The following PARD3 variants were observed in gnomAD, a reference collection of about 807,000 sequenced individuals.
PARD3 encodes the protein partitioning defective 3 homolog.
Under a neutral mutation model 155.4 loss-of-function variants are expected in PARD3, and 75 were observed. The observed-to-expected ratio is 0.48, with a 90% CI of 0.40 to 0.58. The LOEUF (loss-of-function observed/expected upper bound fraction) is 0.58. Ranked by LOEUF, PARD3 falls within the 20% of genes least tolerant of loss-of-function variation. The pLI is 0.00. For synonymous variants in PARD3, 576 were observed against 610.5 expected (o/e 0.94, Z 0.83); for missense variants, 1,642 against 1,721.7 (o/e 0.95, Z 0.82).
intron 9 of PARD3, among the ~76,000 whole-genome samples, chr10:34,380,961 A>G (rs906078957): frequency 4.6e-5 from 7 of 152,306 alleles, no homozygotes; most frequent in Admixed American, 1.3e-4. Context: ...AGAGGATGTG[A>G]TATTTCTCTC....
intron 5 of PARD3, among the ~76,000 whole-genome samples, chr10:34,429,821 G>A (rs989746056): frequency 6.6e-6 from 1 of 152,090 alleles, no homozygotes; most frequent in African/African-American, 2.4e-5. Context: ...TCCTGACCTT[G>A]TGATCCGCCC....
intron 21 of PARD3, among the ~76,000 whole-genome samples, chr10:34,274,149 G>T (rs7910077): frequency 0.041 from 6,202 of 152,144 alleles, 365 homozygotes; most frequent in African/African-American, 0.13. Flanking sequence ...TTTTTATCAG[G>T]ACTGTTCTAG....
At chr10:34,473,184 C>G (rs1210039702) in intron 3 of PARD3, among the ~76,000 whole-genome samples, 1 of 152,092 alleles carries the variant, frequency 6.6e-6, no homozygotes, top group Non-Finnish European at 1.5e-5. Flanking sequence ...GTTAGTTCTT[C>G]CAACATTAAA....
At chr10:34,432,655 A>G (rs1156388352) in intron 5 of PARD3, among the ~76,000 whole-genome samples, 1 of 152,170 alleles carries the variant, frequency 6.6e-6, no homozygotes, top group East Asian at 1.9e-4. Context: ...TTCAAGTCAC[A>G]TTGCCCTTTT....
At chr10:34,809,322 G>C (rs1341663909) in intron 1 of PARD3, among the ~76,000 whole-genome samples, 1 of 152,144 alleles carries the variant, frequency 6.6e-6, no homozygotes, top group African/African-American at 2.4e-5. Flanking sequence ...CTGAAGCTCA[G>C]CCACCGCTTC....
chr10:34,738,926 C>G (rs748337443), intron 1 of PARD3, among the ~76,000 whole-genome samples: 28 of 152,098 alleles, frequency 1.8e-4, no homozygotes, highest in Non-Finnish European at 3.7e-4. Context: ...AACATAAAAC[C>G]AGAACAAGCA....
chr10:34,518,833 T>C (rs1440226040), intron 2 of PARD3, among the ~76,000 whole-genome samples: 2 of 152,172 alleles, frequency 1.3e-5, no homozygotes, highest in Non-Finnish European at 2.9e-5. Context: ...TAGCTCAAAA[T>C]GTCTCCCCAG....
intron 20 of PARD3, among the ~76,000 whole-genome samples, chr10:34,313,065 T>TA (rs1957790305): frequency 6.6e-6 from 1 of 152,152 alleles, no homozygotes; most frequent in African/African-American, 2.4e-5. Context: ...TTTAAAACAT[T>TA]AAAAAACATA....
intron 5 of PARD3, among the ~76,000 whole-genome samples, chr10:34,405,079 A>AACACACACAC (rs200596601): frequency 1.2e-4 from 7 of 59,418 alleles, no homozygotes; most frequent in Non-Finnish European, 2.3e-4. Context: ...CACAAACACA[A>AACACACACAC]ACACACACAC....
At chr10:34,581,818 T>C (rs1348295256) in intron 2 of PARD3, among the ~76,000 whole-genome samples, 1 of 152,160 alleles carries the variant, frequency 6.6e-6, no homozygotes, top group East Asian at 1.9e-4. Context: ...TCATTCGTGG[T>C]GGATGAGAAA....
chr10:34,464,065 T>C (rs1280852634), intron 4 of PARD3, among the ~76,000 whole-genome samples: 1 of 150,570 alleles, frequency 6.6e-6, no homozygotes, highest in Non-Finnish European at 1.5e-5. Flanking sequence ...TCCTATTTGC[T>C]CTCCCTTAAA....
chr10:34,333,944 G>GC (rs1835879771), intron 18 of PARD3, among the ~76,000 whole-genome samples: 1 of 151,350 alleles, frequency 6.6e-6, no homozygotes, highest in East Asian at 1.9e-4. Flanking sequence ...AATGTCTTTA[G>GC]AAAAAAAATT....
At chr10:34,219,766 A>G (rs1428995650) in intron 22 of PARD3, among the ~76,000 whole-genome samples, 1 of 152,106 alleles carries the variant, frequency 6.6e-6, no homozygotes, top group Non-Finnish European at 1.5e-5. Flanking sequence ...TTGCCTCTCC[A>G]CTAGTGTGAG....
chr10:34,632,162 G>A (rs2092298701), intron 2 of PARD3, among the ~76,000 whole-genome samples: 1 of 152,212 alleles, frequency 6.6e-6, no homozygotes, highest in South Asian at 2.1e-4. Flanking sequence ...GAGAGGCTGA[G>A]GCACCAGAAT....
chr10:34,367,956 G>T (rs1000275461), intron 12 of PARD3, among the ~76,000 whole-genome samples: 1 of 151,962 alleles, frequency 6.6e-6, no homozygotes, highest in African/African-American at 2.4e-5. Context: ...TTGAATTCTT[G>T]AAAGTTAAGC....
Position 34,324,486 on chromosome 10 carries a change from C to T in PARD3, c.2833+6631G>A, listed in dbSNP as rs539738875. Among the ~76,000 whole-genome samples, 6 of 152,214 alleles carry T rather than the reference C, an allele frequency of 3.9e-5. No individual in the cohort carries two copies. The East Asian group carries it at 9.7e-4, about 25-fold the overall frequency. On this transcript the variant is annotated intron_variant, in intron 19 of 24. Coordinates refer to ENST00000374788, the MANE Select transcript of PARD3 (RefSeq NM_001184785.2). ...AAGAAGATACACCTCACGAAGTGTG[C>T]ACCGCATGGCACAGGCAAGGGTAAG...
At chr10:34,381,208 G>T (rs1841786714) in intron 9 of PARD3, among the ~76,000 whole-genome samples, 1 of 152,152 alleles carries the variant, frequency 6.6e-6, no homozygotes, top group South Asian at 2.1e-4. Context: ...AAGAAGAATG[G>T]TCTGAATATC....
intron 3 of PARD3, among the ~76,000 whole-genome samples, chr10:34,511,125 T>C (rs993124251): frequency 6.6e-6 from 1 of 152,232 alleles, no homozygotes; most frequent in African/African-American, 2.4e-5. Flanking sequence ...CCATTTGTCT[T>C]ACACAGTTTC....
chr10:34,464,824 T>C (rs924569148), intron 4 of PARD3, among the ~76,000 whole-genome samples: 2 of 152,198 alleles, frequency 1.3e-5, no homozygotes, highest in South Asian at 2.1e-4. Context: ...AACATCTGTA[T>C]AGAGCCATGC....
Sources: allele counts gnomAD v4.1 joint callset (sites outside exome capture counted in the v4.1 genomes callset), GRCh38; gene constraint gnomAD v4.1.1; transcripts MANE v1.5; gene names NCBI Gene and HGNC (gene_info 2026-07-23, HGNC 2026-07-21).